The following PCYT1B variants were observed in gnomAD, a reference collection of about 807,000 sequenced individuals.
The protein encoded by PCYT1B is phosphate cytidylyltransferase 1B, choline.
PCYT1B carries 10 observed loss-of-function variants against 26.4 expected under a neutral mutation model. That is an observed-to-expected ratio of 0.38 (90% CI 0.23 to 0.64). The LOEUF (loss-of-function observed/expected upper bound fraction) is 0.64. Ranked by LOEUF, PCYT1B falls within the 30% of genes least tolerant of loss-of-function variation. The pLI, the probability that PCYT1B is intolerant of heterozygous loss-of-function variation, is 0.56. For synonymous variants in PCYT1B, 131 were observed against 108.4 expected (o/e 1.21, Z -1.29); for missense variants, 161 against 292.7 (o/e 0.55, Z 3.28).
intron 2 of PCYT1B, among the ~76,000 whole-genome samples, chrX:24,614,620 G>A (rs1482469220): frequency 9.0e-6 from 1 of 111,700 alleles, no homozygotes; most frequent in Non-Finnish European, 1.9e-5. Flanking sequence ...CTTTTTTGAG[G>A]GCACGCTCAA....
At chrX:24,667,062 G>A (rs904825813) in intron 1 of PCYT1B, among the ~76,000 whole-genome samples, 2 of 109,441 alleles carry the variant, frequency 1.8e-5, no homozygotes, top group Non-Finnish European at 3.8e-5. Context: ...ACCACAGTGG[G>A]TAGGAATCTA....
rs1383599668 is a variant in PCYT1B at position 24,654,295 on chromosome X, C to CG, written c.63+18274dup. Among the ~76,000 whole-genome samples the CG allele has an allele frequency of 8.2e-4, 84 of 102,070 alleles. No homozygotes were observed. In the Middle Eastern group the frequency reaches 0.021, roughly 26 times the overall value. The allele number at this position is 102,070 out of a possible 115,157, so 88.6% of individuals were successfully genotyped here. A position where few individuals can be genotyped will look rare whatever the true frequency, so the allele number is the denominator to read the frequency against. ...AATTTTTTTGTATTGTTAGGAGATA[C>CG]GGGGGGTTTCACCATATTGGCCAGG... On this transcript the variant is annotated intron_variant, in intron 1 of 7. Coordinates refer to the PCYT1B transcript ENST00000379145.
chrX:24,593,357 C>G (rs1360873197), intron 3 of PCYT1B, among the ~76,000 whole-genome samples: 3 of 108,311 alleles, frequency 2.8e-5, no homozygotes, highest in African/African-American at 6.7e-5. Context: ...TTGTTTCTTT[C>G]TTTCTTTCGT....
intron 1 of PCYT1B, among the ~76,000 whole-genome samples, chrX:24,670,113 A>AAAGAAAGGAAGGAAGGAAGGAAGGAAGG (rs1602218930): frequency 8.5e-5 from 2 of 23,588 alleles, no homozygotes; most frequent in Non-Finnish European, 1.5e-4. Context: ...AGAAAGAAAG[A>AAAGAAAGGAAGGAAGGAAGGAAGGAAGG]AAGGAAGGAA....
upstream of PCYT1B, among the ~76,000 whole-genome samples, chrX:24,650,312 T>C (rs1431198902): frequency 1.0e-5 from 1 of 97,518 alleles, no homozygotes; most frequent in East Asian, 3.6e-4. Flanking sequence ...GGAATTATTA[T>C]GTAGCTTTTT....
intron 1 of PCYT1B, among the ~76,000 whole-genome samples, chrX:24,655,111 G>A (rs1749066483): frequency 8.9e-6 from 1 of 112,117 alleles, no homozygotes; most frequent in South Asian, 3.7e-4. Flanking sequence ...AACACTATGA[G>A]ACTGACATGT....
chrX:24,569,161 C>T (rs1016935364), intron 7 of PCYT1B, among the ~76,000 whole-genome samples: 4 of 110,697 alleles, frequency 3.6e-5, no homozygotes, highest in African/African-American at 1.3e-4. Context: ...CTGTCAAAGT[C>T]TCAGGTGGGA....
At chrX:24,648,764 C>T, upstream of PCYT1B, among the ~76,000 whole-genome samples, 1 of 110,180 alleles carries the variant, frequency 9.1e-6, no homozygotes, top group Non-Finnish European at 1.9e-5. Context: ...TAGAGAGTTT[C>T]TGGGTGTTGT....
At chrX:24,617,033 C>A (rs912721491) in intron 2 of PCYT1B, among the ~76,000 whole-genome samples, 1 of 111,632 alleles carries the variant, frequency 9.0e-6, no homozygotes, top group Non-Finnish European at 1.9e-5. Flanking sequence ...AGAGATGTAA[C>A]TTCTTGGGCC....
At chrX:24,604,668 G>A (rs758886085) in intron 3 of PCYT1B, among the ~76,000 whole-genome samples, 1 of 111,145 alleles carries the variant, frequency 9.0e-6, no homozygotes, top group Non-Finnish European at 1.9e-5. Context: ...TGATCCTCTT[G>A]CCTCAGTCTC....
chrX:24,578,353 G>C (rs1924091086), intron 6 of PCYT1B, among the ~76,000 whole-genome samples: 1 of 111,121 alleles, frequency 9.0e-6, no homozygotes, highest in Non-Finnish European at 1.9e-5. Flanking sequence ...TGGGGGGCTA[G>C]GGGAGGGATA....
At chrX:24,672,126 C>T (rs1307365060) in intron 1 of PCYT1B, among the ~76,000 whole-genome samples, 4 of 112,236 alleles carry the variant, frequency 3.6e-5, no homozygotes, top group Admixed American at 9.4e-5. Context: ...CGTGCCATTG[C>T]ACTCCAGCCT....
At chrX:24,587,166 AG>A in intron 5 of PCYT1B, 74 bp downstream of exon 5, 1 of 721,918 alleles carries the variant, frequency 1.4e-6, no homozygotes, top group Non-Finnish European at 2.2e-6. Context: ...CAGATGTCCC[AG>A]GGCAGACAGA....
chrX:24,631,704 G>A (rs1466150329), intron 1 of PCYT1B, among the ~76,000 whole-genome samples: 8 of 112,126 alleles, frequency 7.1e-5, no homozygotes, highest in African/African-American at 9.7e-5. Context: ...AGTGGCTCAC[G>A]CCTGTAATTC....
upstream of PCYT1B, among the ~76,000 whole-genome samples, chrX:24,651,962 A>G (rs1926792935): frequency 9.0e-6 from 1 of 111,527 alleles, no homozygotes; most frequent in African/African-American, 3.3e-5. Flanking sequence ...AGAGGAAACA[A>G]AAAAGCTGAA....
chrX:24,598,846 T>C (rs1168178166), intron 3 of PCYT1B, among the ~76,000 whole-genome samples: 1 of 112,113 alleles, frequency 8.9e-6, no homozygotes, highest in East Asian at 2.8e-4. Context: ...AGGTTTTTAG[T>C]AGGTTTGACA....
chrX:24,563,477 T>C (rs896919167), intron 7 of PCYT1B, among the ~76,000 whole-genome samples: 1 of 111,607 alleles, frequency 9.0e-6, no homozygotes, highest in African/African-American at 3.3e-5. Flanking sequence ...GCGGCTGCCT[T>C]GAGGGCTGAT....
intron 1 of PCYT1B, among the ~76,000 whole-genome samples, chrX:24,640,906 G>A (rs1345540524): frequency 9.0e-6 from 1 of 111,377 alleles, no homozygotes; most frequent in African/African-American, 3.3e-5. Flanking sequence ...CTCACTAGTT[G>A]GAGCCAGAAA....
At chrX:24,578,994 G>A (rs887667412) in intron 6 of PCYT1B, among the ~76,000 whole-genome samples, 6 of 110,820 alleles carry the variant, frequency 5.4e-5, no homozygotes, top group Non-Finnish European at 9.4e-5. Flanking sequence ...AATACAAAGC[G>A]TTAAGGACAC....
Sources: gnomAD v4.1 joint callset for allele counts (sites outside exome capture counted in the v4.1 genomes callset) on GRCh38, gnomAD v4.1.1 for gene constraint, MANE v1.5 for transcripts, NCBI Gene and HGNC (gene_info 2026-07-23, HGNC 2026-07-21) for gene names.